Variants in CTTNBP2 observed in about 807,000 individuals in gnomAD.
CTTNBP2 encodes the protein cortactin binding protein 2.
CTTNBP2 carries 108 observed loss-of-function variants against 156.9 expected under a neutral mutation model. The ratio of observed to expected loss-of-function variants is 0.69; its 90% CI spans 0.59 to 0.81. CTTNBP2 has a LOEUF of 0.81. Among genes scored for constraint, CTTNBP2 ranks in the 30% least tolerant of loss-of-function variants. The pLI is 0.00. For synonymous variants in CTTNBP2, 767 were observed against 751.8 expected (o/e 1.02, Z -0.33); for missense variants, 1,924 against 2,035.4 (o/e 0.95, Z 1.05).
At chr7:117,719,686 T>G (rs1794672024) in intron 20 of CTTNBP2, 50 bp from the exon 21 acceptor site, 1 of 1,541,688 alleles carries the variant, frequency 6.5e-7, no homozygotes, top group African/African-American at 1.4e-5. Flanking sequence ...CAATTCCCAA[T>G]TTGGAAATCT....
chr7:117,734,031 T>A (rs1795547776), intron 16 of CTTNBP2, among the ~76,000 whole-genome samples: 1 of 152,254 alleles, frequency 6.6e-6, no homozygotes, highest in African/African-American at 2.4e-5. Context: ...GCCCGCTTTC[T>A]GCCCTTGAAC....
At chr7:117,855,924 G>A (rs1456867889) in intron 2 of CTTNBP2, among the ~76,000 whole-genome samples, 1 of 152,128 alleles carries the variant, frequency 6.6e-6, no homozygotes, top group Non-Finnish European at 1.5e-5. Flanking sequence ...TACTTCAAAC[G>A]TTATTTTTAT....
chr7:117,818,321 C>CTA (rs1721982753), intron 2 of CTTNBP2, among the ~76,000 whole-genome samples: 1 of 152,150 alleles, frequency 6.6e-6, no homozygotes, highest in African/African-American at 2.4e-5. Context: ...ATAGATCTAA[C>CTA]TGTAAGAAGA....
rs747688830 is a variant in CTTNBP2 at position 117,719,545 on chromosome 7, G to A, written c.4603C>T (p.Gln1535Ter). The A allele has an allele frequency of 3.7e-6, 6 of 1,614,002 alleles. No individual in the cohort carries two copies. The highest frequency in any genetic ancestry group is 1.1e-5 in the South Asian group (1 of 91,044). ...DDEADLVKEL[Q>*]SMCSSKSESD... The stretch of plus-strand genomic sequence containing the variant: ...TCAGACTTGCTGGAGCACATGCTCT[G>A]AAGTTCCTTGACAAGATCTGCTTCG... The change falls in exon 21 of 23, where the codon CAG becomes TAG. Residue 1535 changes from glutamine to a stop codon, truncating the protein, a stop_gained. Coordinates refer to ENST00000160373, the MANE Select transcript of CTTNBP2 (RefSeq NM_033427.3). LOFTEE classifies it high-confidence loss of function.
chr7:117,798,783 G>A (rs1306446975), intron 3 of CTTNBP2, among the ~76,000 whole-genome samples: 1 of 151,820 alleles, frequency 6.6e-6, no homozygotes, highest in African/African-American at 2.4e-5. Flanking sequence ...GCCAAAAATT[G>A]TATCTAAAAG....
At chr7:117,866,595 C>A (rs535656911) in intron 1 of CTTNBP2, among the ~76,000 whole-genome samples, 11 of 152,272 alleles carry the variant, frequency 7.2e-5, no homozygotes, top group African/African-American at 2.4e-4. Context: ...GGGTGATGAG[C>A]AATGTGGCTA....
chr7:117,718,099 A>C lies in CTTNBP2; in HGVS notation c.4665T>G (p.Asp1555Glu), dbSNP rs778984708. 12 of 1,611,812 alleles carry C rather than the reference A, an allele frequency of 7.4e-6. No homozygotes were observed. The East Asian group carries it at 2.7e-4, about 36-fold the overall frequency. Residue 1555 changes from aspartate (D) to glutamate (E), a missense_variant, in exon 22 of 23, where the codon GAT becomes GAG. Physicochemically the swap from Asp to Glu is conservative, Grantham distance 45. Coordinates refer to ENST00000160373, the MANE Select transcript of CTTNBP2 (RefSeq NM_033427.3). Reference sequence around the variant, plus strand: ...TTCCAGAACTATCAAACATCCTTAAATCATCCCTGGAATCAGCAATCTAGA... The same window carrying C: ...TTCCAGAACTATCAAACATCCTTAACTCATCCCTGGAATCAGCAATCTAGA... Reference protein sequence around the residue: ...DISKIADSRDDLRMFDSSGNN... With the variant: ...DISKIADSRDELRMFDSSGNN...
intron 22 of CTTNBP2, among the ~76,000 whole-genome samples, chr7:117,716,604 G>C (rs1310964917): frequency 6.6e-6 from 1 of 152,152 alleles, no homozygotes; most frequent in African/African-American, 2.4e-5. Context: ...GCTGACTCCA[G>C]GTCACCTTCT....
At chr7:117,855,994 T>C (rs1434462560) in intron 2 of CTTNBP2, among the ~76,000 whole-genome samples, 4 of 152,214 alleles carry the variant, frequency 2.6e-5, no homozygotes, top group Non-Finnish European at 5.9e-5. Context: ...GGGAAAGATC[T>C]ATCTTCCTAT....
At chr7:117,782,025 A>G (rs984662350) in intron 6 of CTTNBP2, among the ~76,000 whole-genome samples, 24 of 152,232 alleles carry the variant, frequency 1.6e-4, no homozygotes, top group African/African-American at 5.5e-4. Context: ...CTCTACATAA[A>G]TAATTCATTT....
At chr7:117,863,528 T>C (rs888719910) in intron 1 of CTTNBP2, among the ~76,000 whole-genome samples, 2 of 152,206 alleles carry the variant, frequency 1.3e-5, no homozygotes, top group Admixed American at 1.3e-4. Context: ...CCCCTGGAAA[T>C]TGTGATTCAG....
intron 2 of CTTNBP2, among the ~76,000 whole-genome samples, chr7:117,823,993 A>G (rs934966458): frequency 2.8e-5 from 4 of 140,992 alleles, no homozygotes; most frequent in Non-Finnish European, 4.7e-5. Flanking sequence ...AATATTTTAT[A>G]TTCTTTCCAC....
intron 2 of CTTNBP2, among the ~76,000 whole-genome samples, chr7:117,845,938 C>T (rs144109447): frequency 6.6e-6 from 1 of 152,212 alleles, no homozygotes; most frequent in African/African-American, 2.4e-5. Context: ...GCAAGCTCCG[C>T]TTCCCGGGTT....
intron 1 of CTTNBP2, among the ~76,000 whole-genome samples, chr7:117,868,153 A>G (rs2117290084): frequency 6.6e-6 from 1 of 152,352 alleles, no homozygotes; most frequent in Admixed American, 6.5e-5. Flanking sequence ...TCAGCCCGAC[A>G]TGGGACATGG....
At chr7:117,815,670 G>A (rs550469943) in intron 2 of CTTNBP2, among the ~76,000 whole-genome samples, 2 of 152,262 alleles carry the variant, frequency 1.3e-5, no homozygotes, top group South Asian at 4.2e-4. Flanking sequence ...GTGTATATTT[G>A]GCATGCTATT....
chr7:117,786,863 G>C (rs1301076747), intron 4 of CTTNBP2, among the ~76,000 whole-genome samples: 1 of 152,004 alleles, frequency 6.6e-6, no homozygotes, highest in Non-Finnish European at 1.5e-5. Flanking sequence ...TTATCCGAAA[G>C]ACAAATTTTT....
At chr7:117,736,218 G>C (rs1334761761) in intron 14 of CTTNBP2, among the ~76,000 whole-genome samples, 1 of 152,158 alleles carries the variant, frequency 6.6e-6, no homozygotes, top group Non-Finnish European at 1.5e-5. Context: ...ACTTTGGGAG[G>C]CCAGGGTGGG....
intron 4 of CTTNBP2, among the ~76,000 whole-genome samples, 200 bp from the exon 5 acceptor site, chr7:117,784,654 A>G (rs1195814287): frequency 6.6e-6 from 1 of 152,232 alleles, no homozygotes; most frequent in South Asian, 2.1e-4. Flanking sequence ...TCTGCTGCTA[A>G]TTAAATCAAC....
intron 3 of CTTNBP2, among the ~76,000 whole-genome samples, chr7:117,808,439 G>C (rs1458519534): frequency 6.6e-6 from 1 of 152,106 alleles, no homozygotes; most frequent in Non-Finnish European, 1.5e-5. Flanking sequence ...ATTGACTCTT[G>C]CCCAAATTTC....
Sources: allele counts gnomAD v4.1 joint callset (sites outside exome capture counted in the v4.1 genomes callset), GRCh38; gene constraint gnomAD v4.1.1; transcripts MANE v1.5; gene names NCBI Gene and HGNC (gene_info 2026-07-23, HGNC 2026-07-21).